NLGN1: variants seen among roughly 807,000 people sequenced by gnomAD.
NLGN1 encodes neuroligin-1.
In NLGN1, 12 loss-of-function variants were observed where a neutral mutation model predicts 65.5. The ratio of observed to expected loss-of-function variants is 0.18; its 90% CI spans 0.12 to 0.30. The LOEUF (loss-of-function observed/expected upper bound fraction) is 0.30, where lower values mean the gene tolerates loss of function less well. NLGN1 is among the 10% of genes least tolerant of loss of function. The pLI is 1.00. For synonymous variants in NLGN1, 350 were observed against 359.5 expected, an observed-to-expected ratio of 0.97 and a Z score of 0.30; for missense variants, 750 against 1,007.1, an observed-to-expected ratio of 0.74 and a Z score of 3.46.
intron 4 of NLGN1, among the ~76,000 whole-genome samples, chr3:173,950,670 G>A (rs931757421): frequency 4.6e-5 from 7 of 151,732 alleles, no homozygotes; most frequent in Non-Finnish European, 7.4e-5. Flanking sequence ...AAAATTAGCC[G>A]GGTGTGGTGG....
rs938968520 is a variant in NLGN1 at position 174,117,343 on chromosome 3, G to A, written c.647-157972G>A. Among the ~76,000 whole-genome samples the A allele has an allele frequency of 2.0e-4, 30 of 152,076 alleles. No homozygotes were observed. The East Asian group carries it at 3.9e-3, about 20-fold the overall frequency. ...GAAAAATCACTGGGATAGGCCGGGC[G>A]CGGTAGCTCACGCCTGTAATCCCAG... On this transcript the variant is annotated intron_variant, in intron 4 of 6. Transcript: ENST00000457714.
intron 4 of NLGN1, among the ~76,000 whole-genome samples, chr3:174,111,493 C>G (rs1049440251): frequency 2.0e-5 from 3 of 151,736 alleles, no homozygotes; most frequent in African/African-American, 7.3e-5. Context: ...CAGGAATATG[C>G]TAAATACAGG....
intron 4 of NLGN1, among the ~76,000 whole-genome samples, chr3:174,180,073 C>T (rs767363413): frequency 2.6e-5 from 4 of 152,072 alleles, no homozygotes; most frequent in Admixed American, 6.6e-5. Flanking sequence ...ACTATTTATG[C>T]CCCTAGCTGC....
At chr3:174,156,661 G>A (rs541401503) in intron 4 of NLGN1, among the ~76,000 whole-genome samples, 127 of 151,688 alleles carry the variant, frequency 8.4e-4, no homozygotes, top group African/African-American at 2.9e-3. Flanking sequence ...CACTTAAGGA[G>A]GTCTTCATAT....
intron 1 of NLGN1, among the ~76,000 whole-genome samples, chr3:173,404,021 C>G (rs1718175722): frequency 6.6e-6 from 1 of 152,004 alleles, no homozygotes; most frequent in African/African-American, 2.4e-5. Flanking sequence ...AGCAGTTGTG[C>G]TTGAGTTATT....
At chr3:173,711,743 G>A (rs957399885) in intron 3 of NLGN1, among the ~76,000 whole-genome samples, 4 of 152,056 alleles carry the variant, frequency 2.6e-5, no homozygotes, top group East Asian at 1.9e-4. Flanking sequence ...TACTGGAATC[G>A]ATCTACTATG....
intron 3 of NLGN1, among the ~76,000 whole-genome samples, chr3:173,802,191 A>G (rs1715581812): frequency 6.6e-6 from 1 of 151,964 alleles, no homozygotes; most frequent in African/African-American, 2.4e-5. Flanking sequence ...GCATTTACCT[A>G]TTTAGAGTAG....
chr3:173,940,582 T>G (rs1426742108), intron 4 of NLGN1, among the ~76,000 whole-genome samples: 2 of 152,260 alleles, frequency 1.3e-5, no homozygotes, highest in East Asian at 3.9e-4. Flanking sequence ...AAATTCAATT[T>G]AGAAATAAAT....
At chr3:173,984,112 G>A (rs1719376355) in intron 4 of NLGN1, among the ~76,000 whole-genome samples, 1 of 152,130 alleles carries the variant, frequency 6.6e-6, no homozygotes, top group South Asian at 2.1e-4. Flanking sequence ...CTGGTTAAGT[G>A]GCTCTTCTCC....
At position 173,797,117 on chromosome 3, in the gene NLGN1, G is replaced by A. The variant is rs376214507; in HGVS notation, c.494-10563G>A. On this transcript the variant is annotated intron_variant, in intron 3 of 6. Coordinates refer to ENST00000457714, the Ensembl canonical transcript of NLGN1. ...TCTTGAGATCATGTAGGGATCTGCT[G>A]CGGTAATCCAGAAGCATATGTTTAC... is the stretch of plus-strand genomic sequence containing the variant. Among the ~76,000 whole-genome samples, 5 of 152,198 alleles carry A rather than the reference G, an allele frequency of 3.3e-5. No homozygotes were observed. In the East Asian group the frequency reaches 9.7e-4, roughly 29 times the overall value.
intron 3 of NLGN1, among the ~76,000 whole-genome samples, chr3:173,626,717 G>GAAAA (rs367658742): frequency 1.7e-3 from 252 of 152,106 alleles, no homozygotes; most frequent in African/African-American, 6.0e-3. Context: ...ACTGGTCCCT[G>GAAAA]AAAAATGATG....
At chr3:173,637,051 A>G (rs577401420) in intron 3 of NLGN1, among the ~76,000 whole-genome samples, 14 of 152,274 alleles carry the variant, frequency 9.2e-5, no homozygotes, top group African/African-American at 2.9e-4. Context: ...TGTTAGTCTT[A>G]TAGTGAATAA....
At chr3:174,264,099 C>G (rs1328429989) in intron 4 of NLGN1, among the ~76,000 whole-genome samples, 30 of 144,802 alleles carry the variant, frequency 2.1e-4, no homozygotes, top group Admixed American at 2.1e-3. Context: ...CGACCTTTCT[C>G]TCTGGCTGCC....
chr3:173,543,788 G>T (rs1476705779), intron 2 of NLGN1, among the ~76,000 whole-genome samples: 1 of 152,076 alleles, frequency 6.6e-6, no homozygotes, highest in Non-Finnish European at 1.5e-5. Flanking sequence ...AAATGGCATA[G>T]AAACAGACAC....
intron 4 of NLGN1, among the ~76,000 whole-genome samples, chr3:174,046,323 T>C (rs907458230): frequency 1.3e-5 from 2 of 152,184 alleles, no homozygotes; most frequent in African/African-American, 4.8e-5. Context: ...AGATATTCCT[T>C]CCTGCTTTAT....
chr3:174,282,148 T>G (rs1336754080), exon 7 of NLGN1: 2 of 152,314 alleles, frequency 1.3e-5, no homozygotes, highest in African/African-American at 2.4e-5. Flanking sequence ...TGGTGAATAC[T>G]CGCTGATATG....
rs552432966 is a variant in NLGN1 at position 174,134,397 on chromosome 3, A to G, written c.647-140918A>G. ...TCAACACTTTCATGTACATGAAGCA[A>G]TTTATTTAGCCAAAACATTAAATAA... On this transcript the variant is annotated intron_variant, in intron 4 of 6. Transcript: ENST00000457714. Among the ~76,000 whole-genome samples the G allele has an allele frequency of 2.6e-4, 40 of 152,294 alleles. 2 individuals are homozygous for G. In the South Asian group the frequency reaches 7.7e-3, roughly 29 times the overall value.
At chr3:174,087,563 A>G (rs1004680449) in intron 4 of NLGN1, among the ~76,000 whole-genome samples, 4 of 152,064 alleles carry the variant, frequency 2.6e-5, no homozygotes, top group Non-Finnish European at 2.9e-5. Context: ...CCGTACTCTC[A>G]CCCCTAAATC....
At chr3:174,085,347 T>C (rs1215569136) in intron 4 of NLGN1, among the ~76,000 whole-genome samples, 1 of 152,068 alleles carries the variant, frequency 6.6e-6, no homozygotes, top group Non-Finnish European at 1.5e-5. Flanking sequence ...ATTCCCTCTC[T>C]ATGATTACTC....
Sources: gnomAD v4.1 joint callset for allele counts (sites outside exome capture counted in the v4.1 genomes callset) on GRCh38, gnomAD v4.1.1 for gene constraint, MANE v1.5 for transcripts, NCBI Gene and HGNC (gene_info 2026-07-23, HGNC 2026-07-21) for gene names.